Variants in CPLANE1 observed in about 807,000 individuals in gnomAD.
CPLANE1 encodes the protein ciliogenesis and planar polarity effector 1.
In CPLANE1, 263 loss-of-function variants were observed where a neutral mutation model predicts 362.5. The observed-to-expected ratio is 0.73, with a 90% CI of 0.66 to 0.80. The LOEUF (loss-of-function observed/expected upper bound fraction) is 0.80. Ranked by LOEUF, CPLANE1 falls within the 30% of genes least tolerant of loss-of-function variation. CPLANE1 has a pLI of 0.00. For synonymous variants in CPLANE1, 1,212 were observed against 1,302.6 expected (o/e 0.93, Z 1.50); for missense variants, 3,461 against 3,793.4 (o/e 0.91, Z 2.30).
chr5:37,196,536 C>G (rs1035115872), intron 20 of CPLANE1, among the ~76,000 whole-genome samples: 2 of 152,112 alleles, frequency 1.3e-5, no homozygotes, highest in African/African-American at 4.8e-5. Flanking sequence ...GTGACACGAT[C>G]CAAACTCAAT....
the CPLANE1 span, among the ~76,000 whole-genome samples, chr5:37,099,407 TC>T: frequency 6.6e-6 from 1 of 152,178 alleles, no homozygotes; most frequent in Non-Finnish European, 1.5e-5. Flanking sequence ...GGTTTTCTGT[TC>T]CTGTGTTAGT....
At position 37,180,067 on chromosome 5, in the gene CPLANE1, A is replaced by C; in HGVS notation, c.5687T>G (p.Val1896Gly). The change falls in exon 28 of 53, where the codon GTA becomes GGA. Residue 1896 changes from valine to glycine, a missense_variant. Val to Gly is a moderately radical substitution (Grantham distance 109). Around this residue, in one of 2 missense-constraint regions of CPLANE1, gnomAD observed 3,380 missense variants for 3,666.1 expected, o/e 0.92. Transcript: ENST00000651892. ...CATTTCCTCTTCTGTAAATGCTTCTACTTCTAAAAGATTCTCATCAATATC... is the reference window on the plus strand; with the variant it reads ...CATTTCCTCTTCTGTAAATGCTTCTCCTTCTAAAAGATTCTCATCAATATC... ...FIDIDENLLE[V>G]EAFTEEEMDM... is the part of the protein sequence containing the mutation. 6.4e-7 allele frequency: 1 copy of C among 1,573,290 alleles called. No individual in the cohort carries two copies. Among genetic ancestry groups the C allele is most frequent in the Non-Finnish European group, 8.6e-7 (1 of 1,158,008 alleles).
intron 29 of CPLANE1, 74 bp from the exon 30 acceptor site, chr5:37,177,774 C>A: frequency 1.8e-6 from 2 of 1,126,554 alleles, no homozygotes; most frequent in East Asian, 2.4e-5. Flanking sequence ...TATTTTGAGT[C>A]TCATATTAGC....
At chr5:37,091,293 A>G in the CPLANE1 span, among the ~76,000 whole-genome samples, 5 of 152,208 alleles carry the variant, frequency 3.3e-5, no homozygotes, top group Admixed American at 3.3e-4. Context: ...CTTCCTAGAG[A>G]GTCCACTTGG....
intron 21 of CPLANE1, 76 bp from the exon 22 acceptor site, chr5:37,187,918 G>T: frequency 1.1e-6 from 1 of 946,314 alleles, no homozygotes; most frequent in Non-Finnish European, 1.6e-6. Flanking sequence ...CAACTCTGCT[G>T]ATCATTTTTT....
At chr5:37,224,424 G>T in intron 13 of CPLANE1, 91 bp from the exon 14 acceptor site, 1 of 1,285,810 alleles carries the variant, frequency 7.8e-7, no homozygotes, top group Non-Finnish European at 1.1e-6. Context: ...ATGGAGCTCA[G>T]CCAGAAATTA....
In CPLANE1 at chr5:37,227,330, G is replaced by T; in HGVS notation, c.1434C>A (p.His478Gln). ...LNSLRSSLLEHQGNESSADFT... is the reference protein window; with the variant it reads ...LNSLRSSLLEQQGNESSADFT... ...AATCGGCTGAACTTTCATTTCCTTG[G>T]TGTTCTAACAGGCTAGACCTTAGGG... is the stretch of plus-strand genomic sequence containing the variant. The change falls in exon 11 of 53, where the codon CAC (histidine) becomes CAA (glutamine). Residue 478 changes from histidine (H) to glutamine (Q), a missense_variant. This residue lies in a region of CPLANE1 where 3,380 missense variants were observed against 3,666.1 expected (regional missense o/e 0.92). Coordinates refer to ENST00000651892, the MANE Select transcript of CPLANE1 (RefSeq NM_001384732.1). 6.4e-7 allele frequency: 1 copy of T among 1,552,024 alleles called. No homozygotes were observed. The highest frequency in any genetic ancestry group is 8.7e-7 in the Non-Finnish European group (1 of 1,147,002).
At position 37,234,148 on chromosome 5, in the gene CPLANE1, A is replaced by T. The variant is rs1181196372; in HGVS notation, c.939-3099T>A. 2.6e-5 allele frequency among the ~76,000 whole-genome samples: 4 copies of T among 152,324 alleles called. No homozygotes were observed. The East Asian group carries it at 7.7e-4, about 29-fold the overall frequency. ...CAACGGCTGTACCAGATGCACAGACATCAATGGAATGCCACAGAAAACATA... is the reference window on the plus strand; with the variant it reads ...CAACGGCTGTACCAGATGCACAGACTTCAATGGAATGCCACAGAAAACATA... On this transcript the variant is annotated intron_variant, in intron 8 of 52. Transcript: ENST00000651892.
At chr5:37,201,541 T>C (rs1336770807) in intron 19 of CPLANE1, 50 bp downstream of exon 19, 3 of 1,460,066 alleles carry the variant, frequency 2.1e-6, no homozygotes, top group African/African-American at 2.9e-5. Flanking sequence ...TTTTAAAAAC[T>C]TGACAAAATC....
chr5:37,149,672 T>C lies in CPLANE1; in HGVS notation c.8374-1404A>G, dbSNP rs1171049444. Among the ~76,000 whole-genome samples, 4 of 152,220 alleles carry C rather than the reference T, an allele frequency of 2.6e-5. No homozygotes were observed. In the South Asian group the frequency reaches 8.3e-4, roughly 32 times the overall value. ...AAATGCAACGATTATAACAATATAC[T>C]GTAATCAAAGTTATATGAATGTGTT... is the stretch of plus-strand genomic sequence containing the variant. On this transcript the variant is annotated intron_variant, in intron 42 of 52. Coordinates refer to ENST00000651892, the MANE Select transcript of CPLANE1 (RefSeq NM_001384732.1).
intron 41 of CPLANE1, among the ~76,000 whole-genome samples, chr5:37,154,800 C>T (rs575636756): frequency 1.3e-4 from 20 of 152,248 alleles, no homozygotes; most frequent in South Asian, 1.2e-3. Context: ...CTATATGGCA[C>T]TCTTTCTTAG....
intron 47 of CPLANE1, among the ~76,000 whole-genome samples, chr5:37,123,743 C>G (rs749703148): frequency 6.6e-6 from 1 of 152,048 alleles, no homozygotes; most frequent in African/African-American, 2.4e-5. Context: ...CTAGGCTGGT[C>G]TTGAACTCCT....
intron 51 of CPLANE1, among the ~76,000 whole-genome samples, chr5:37,109,589 C>T (rs1027587870): frequency 2.6e-5 from 4 of 152,162 alleles, no homozygotes; most frequent in African/African-American, 9.7e-5. Flanking sequence ...TTAACATGTC[C>T]AAAACCACAC....
At chr5:37,228,627 C>G (rs770512759) in intron 9 of CPLANE1, among the ~76,000 whole-genome samples, 1 of 151,954 alleles carries the variant, frequency 6.6e-6, no homozygotes, top group Non-Finnish European at 1.5e-5. Context: ...AAAAAAGAAA[C>G]TAATATTGCT....
At position 37,205,305 on chromosome 5, in the gene CPLANE1, C is replaced by T. The variant is rs2150116271; in HGVS notation, c.3289+10G>A. The T allele has an allele frequency of 6.5e-7, 1 of 1,544,732 alleles. No homozygotes were observed. Among genetic ancestry groups the T allele is most frequent in the East Asian group, 2.5e-5 (1 of 40,800 alleles). ...TCTGACACGAATCAGACTATACATA[C>T]ATAACACACCTGTAAACTGTTTATA... On this transcript the variant is annotated intron_variant, in intron 18 of 52. Transcript: ENST00000651892.
At chr5:37,101,639 C>G (rs990827127), downstream of CPLANE1, among the ~76,000 whole-genome samples, 2 of 152,054 alleles carry the variant, frequency 1.3e-5, no homozygotes, top group Admixed American at 6.6e-5. Context: ...AGGAGTCGCT[C>G]CTTTTCAATT....
chr5:37,132,731 C>G (rs942008800), intron 46 of CPLANE1, among the ~76,000 whole-genome samples: 10 of 151,978 alleles, frequency 6.6e-5, no homozygotes, highest in Non-Finnish European at 1.3e-4. Context: ...ATTCTGTAGG[C>G]TGTCTGTTTA....
chr5:37,171,118 T>C (rs908265238), intron 32 of CPLANE1, among the ~76,000 whole-genome samples: 3 of 152,212 alleles, frequency 2.0e-5, no homozygotes, highest in Non-Finnish European at 4.4e-5. Context: ...GAAGTATTTA[T>C]AAGTCCCGAT....
At chr5:37,201,197 T>C (rs1789083335) in intron 19 of CPLANE1, among the ~76,000 whole-genome samples, 1 of 152,216 alleles carries the variant, frequency 6.6e-6, no homozygotes, top group South Asian at 2.1e-4. Flanking sequence ...ATTCTGACAC[T>C]CATTATTTCA....
Sources: allele counts gnomAD v4.1 joint callset (sites outside exome capture counted in the v4.1 genomes callset), GRCh38; gene constraint gnomAD v4.1.1; regional missense constraint gnomAD v4.1.1; transcripts MANE v1.5; gene names NCBI Gene and HGNC (gene_info 2026-07-23, HGNC 2026-07-21).